The following ZNF460 variants were observed in gnomAD, a reference collection of about 807,000 sequenced individuals.
ZNF460 encodes zinc finger protein 272.
In ZNF460, 1 loss-of-function variant was observed where a neutral mutation model predicts 8.4. The ratio of observed to expected loss-of-function variants is 0.12; its 90% confidence interval spans 0.04 to 0.56. ZNF460 has a LOEUF of 0.56. Among genes scored for constraint, ZNF460 ranks in the 20% least tolerant of loss-of-function variants. The pLI is 0.91. For missense variants in ZNF460, 477 were observed against 714.8 expected, an observed-to-expected ratio of 0.67 and a Z score of 3.79; for synonymous variants, 262 against 259.9, an observed-to-expected ratio of 1.01 and a Z score of -0.08.
At chr19:57,285,625 A>G (rs2087874047) in intron 2 of ZNF460, among the ~76,000 whole-genome samples, 1 of 152,016 alleles carries the variant, frequency 6.6e-6, no homozygotes, top group Admixed American at 6.6e-5. Context: ...TTTTCTTGGT[A>G]AAGGTTCTTT....
At chr19:57,284,699 C>A in intron 2 of ZNF460, 22 bp downstream of exon 2, 1 of 1,558,438 alleles carries the variant, frequency 6.4e-7, no homozygotes, top group Non-Finnish European at 8.7e-7. Flanking sequence ...CCTCTCCTCT[C>A]CAAAATCAGG....
Position 57,291,033 on chromosome 19 carries a change from T to C in ZNF460, c.492T>C (p.Ile164=), listed in dbSNP as rs1481058127. 3.7e-6 allele frequency: 6 copies of C among 1,614,218 alleles called. No individual in the cohort carries two copies. The Admixed American group carries it at 6.7e-5, about 18-fold the overall frequency. ...ATGGACCAGTTACAGATTCCTTGAT[T>C]CATGAAGGGGAAAATTCCTATAAAT... ...DSYGPVTDSL[I]HEGENSYKFE... Residue 164 remains isoleucine, a synonymous_variant, in exon 3 of 3, where the codon ATT becomes ATC. Coordinates refer to ENST00000360338, the MANE Select transcript of ZNF460 (RefSeq NM_006635.4). This position sits in a 1 kb window ranked among gnomAD's most constrained non-coding sequence, Gnocchi z 8.4.
chr19:57,290,527 C>G (rs933845047), intron 2 of ZNF460, among the ~76,000 whole-genome samples, 172 bp from the exon 3 acceptor site: 2 of 152,220 alleles, frequency 1.3e-5, no homozygotes, highest in Non-Finnish European at 2.9e-5. Flanking sequence ...ATCCGCCTGC[C>G]TTGGCCTCCC....
chr19:57,290,651 CT>C, intron 2 of ZNF460, 47 bp from the exon 3 acceptor site: 3 of 1,532,222 alleles, frequency 2.0e-6, no homozygotes, highest in Non-Finnish European at 2.6e-6. Context: ...GGTTTCATTT[CT>C]TCTGTACTAT....
rs946223421 is a variant in ZNF460 at position 57,293,007 on chromosome 19, C to T, written c.*777C>T. ...AATTGTTTCTCCGTGTGTCTTTAAC[C>T]ACCCAGTACCATACTTTTTTCTTGA... On this transcript the variant is annotated 3_prime_UTR_variant, in exon 3 of 3. Coordinates refer to ENST00000360338, the MANE Select transcript of ZNF460 (RefSeq NM_006635.4). 1 of 152,128 alleles carries T rather than the reference C, an allele frequency of 6.6e-6. No homozygotes were observed. The highest frequency in any genetic ancestry group is 2.4e-5 in the African/African-American group (1 of 41,430). The allele number at this position is 152,128 out of a possible 1,614,324, so 9.4% of individuals were successfully genotyped here.
chr19:57,287,630 G>A (rs755998130), intron 2 of ZNF460, among the ~76,000 whole-genome samples: 7 of 152,130 alleles, frequency 4.6e-5, no homozygotes, highest in Non-Finnish European at 5.9e-5. Context: ...GGTGTGTTCA[G>A]CTTTAAAAGA....
rs1261940669 is a variant in ZNF460 at position 57,290,993 on chromosome 19, A to G, written c.452A>G (p.Tyr151Cys). Residue 151 changes from tyrosine to cysteine, a missense_variant, in exon 3 of 3, where the codon TAT becomes TGT. Tyr to Cys is a radical substitution (Grantham distance 194). This residue lies in a region of ZNF460 where 169 missense variants were observed against 178.6 expected (regional missense o/e 0.95). Coordinates refer to ENST00000360338, the MANE Select transcript of ZNF460 (RefSeq NM_006635.4). ...CAAGTCTCACCAGAAGATGCTCTCT[A>G]TGGATTTGACTCATATGGACCAGTT... ...QNQVSPEDAL[Y>C]GFDSYGPVTD... is the part of the protein sequence containing the mutation. 1.2e-6 allele frequency: 2 copies of G among 1,614,214 alleles called. No homozygotes were observed. Among genetic ancestry groups the G allele is most frequent in the East Asian group, 2.2e-5 (1 of 44,888 alleles).
intron 2 of ZNF460, among the ~76,000 whole-genome samples, chr19:57,285,743 C>G (rs188685133): frequency 2.0e-5 from 3 of 152,208 alleles, no homozygotes; most frequent in African/African-American, 7.2e-5. Context: ...CATGAAATGT[C>G]GAAGCGTGGA....
chr19:57,289,858 T>G (rs2087904144), intron 2 of ZNF460, among the ~76,000 whole-genome samples: 1 of 151,872 alleles, frequency 6.6e-6, no homozygotes, highest in South Asian at 2.1e-4. Flanking sequence ...ACAAAAAATT[T>G]AGCCAGGCGG....
At chr19:57,284,787 C>T (rs1721710271) in intron 2 of ZNF460, 110 bp downstream of exon 2, 2 of 1,231,048 alleles carry the variant, frequency 1.6e-6, no homozygotes, top group Non-Finnish European at 1.1e-6. Context: ...GGGAGCCAGC[C>T]CTCCTGTTTC....
chr19:57,282,343 C>G (rs1040039759), intron 1 of ZNF460, among the ~76,000 whole-genome samples: 1 of 152,172 alleles, frequency 6.6e-6, no homozygotes, highest in Admixed American at 6.5e-5. Context: ...TGGCTACAAC[C>G]TGCTGTGCCC....
Position 57,291,840 on chromosome 19 carries a change from A to G in ZNF460, c.1299A>G (p.Ser433=). ...LQCGKAFTRM[S]GLTRHQWIHT... ...GTGGAAAGGCTTTTACCCGCATGTC[A>G]GGGCTCACAAGGCACCAGTGGATTC... Residue 433 remains serine (S), a synonymous_variant, in exon 3 of 3, where the codon TCA becomes TCG. Transcript: ENST00000360338. The surrounding 1 kb of genome is among the most constrained non-coding windows in gnomAD (Gnocchi z 8.4). 1.2e-6 allele frequency: 2 copies of G among 1,614,156 alleles called. No homozygotes were observed. The highest frequency in any genetic ancestry group is 1.7e-6 in the Non-Finnish European group (2 of 1,179,982).
rs865801458 is a variant in ZNF460 at position 57,292,360 on chromosome 19, A to G, written c.*130A>G. 1.0e-6 allele frequency: 1 copy of G among 964,086 alleles called. No homozygotes were observed. Among genetic ancestry groups the G allele is most frequent in the African/African-American group, 1.6e-5 (1 of 61,166 alleles). 59.7% of individuals were successfully genotyped at this position (964,086 alleles called of 1,614,324 possible). On this transcript the variant is annotated 3_prime_UTR_variant, in exon 3 of 3. Coordinates refer to ENST00000360338, the MANE Select transcript of ZNF460 (RefSeq NM_006635.4). ...GAAACATCTTACCATCTGGTCATTC[A>G]TACTGAAGAGAAACTCCATAAGTAT... is the stretch of plus-strand genomic sequence containing the variant.
chr19:57,288,777 CTT>C (rs1439063796), intron 2 of ZNF460, among the ~76,000 whole-genome samples: 4 of 152,168 alleles, frequency 2.6e-5, no homozygotes, highest in African/African-American at 9.7e-5. Flanking sequence ...CTTTGGTTCT[CTT>C]TTTACTCTGA....
At chr19:57,283,000 A>G (rs77054196) in intron 1 of ZNF460, among the ~76,000 whole-genome samples, 36 of 151,696 alleles carry the variant, frequency 2.4e-4, no homozygotes, top group Middle Eastern at 3.4e-3. Context: ...AAAAAAAAAA[A>G]AGAGAGAGAC....
intron 2 of ZNF460, among the ~76,000 whole-genome samples, chr19:57,285,547 C>A (rs964896540): frequency 1.3e-5 from 2 of 152,182 alleles, no homozygotes; most frequent in Non-Finnish European, 2.9e-5. Flanking sequence ...GCAATGAACA[C>A]CTCAGAAACT....
rs770330126 is a variant in ZNF460, at chr19:57,291,759, C to T, written c.1218C>T (p.Asp406=). The change falls in exon 3 of 3, where the codon GAC becomes GAT. Residue 406 remains aspartate (D), a synonymous_variant. Coordinates refer to ENST00000360338, the MANE Select transcript of ZNF460 (RefSeq NM_006635.4). The surrounding 1 kb of genome is among the most constrained non-coding windows in gnomAD (Gnocchi z 8.4). ...GGAAAGCCTTTAGCATTCGAAAAGACCTCATTCGACACTTCAACATCCACA... is the reference window on the plus strand; with the variant it reads ...GGAAAGCCTTTAGCATTCGAAAAGATCTCATTCGACACTTCAACATCCACA... ...ECGKAFSIRK[D]LIRHFNIHTG... is the part of the protein sequence containing the mutation. 6.2e-7 allele frequency: 1 copy of T among 1,614,180 alleles called. No homozygotes were observed. The highest frequency in any genetic ancestry group is 1.1e-5 in the South Asian group (1 of 91,078).
intron 1 of ZNF460, among the ~76,000 whole-genome samples, chr19:57,283,656 C>T (rs969673269): frequency 2.6e-5 from 4 of 151,598 alleles, no homozygotes; most frequent in Non-Finnish European, 5.9e-5. Context: ...CTTGTGCCAC[C>T]ACACCTGGCT....
chr19:57,280,616 G>A lies in ZNF460; in HGVS notation c.-191G>A. On this transcript the variant is annotated 5_prime_UTR_variant, in exon 1 of 3. Coordinates refer to ENST00000360338, the MANE Select transcript of ZNF460 (RefSeq NM_006635.4). ...CGCCCCGCTTCTCCCCTAACGAGGT[G>A]TCCCACCGGCGCCCGCCGAGGCCTA... 1 of 707,256 alleles carries A rather than the reference G, an allele frequency of 1.4e-6. No homozygotes were observed. Among genetic ancestry groups the A allele is most frequent in the Non-Finnish European group, 2.3e-6 (1 of 434,788 alleles). 43.8% of individuals were successfully genotyped at this position (707,256 alleles called of 1,614,324 possible). A position where few individuals can be genotyped will look rare whatever the true frequency, so the allele number is the denominator to read the frequency against.
Sources: allele counts gnomAD v4.1 joint callset (sites outside exome capture counted in the v4.1 genomes callset), GRCh38; gene constraint gnomAD v4.1.1; regional missense constraint gnomAD v4.1.1; non-coding constraint Gnocchi (gnomAD v3.1); transcripts MANE v1.5; gene names NCBI Gene and HGNC (gene_info 2026-07-23, HGNC 2026-07-21).